The following SHISA6 variants were observed in gnomAD, a reference collection of about 807,000 sequenced individuals.
SHISA6 encodes shisa family member 6.
A neutral mutation model predicts 47.9 loss-of-function variants in SHISA6; 22 were observed. That is an observed-to-expected ratio of 0.46 (90% confidence interval 0.33 to 0.66). The LOEUF (loss-of-function observed/expected upper bound fraction) is 0.66. SHISA6 is among the 30% of genes least tolerant of loss of function. SHISA6 has a pLI of 0.02. For missense variants in SHISA6, 680 were observed against 764.6 expected, an observed-to-expected ratio of 0.89 and a Z score of 1.30; for synonymous variants, 388 against 337.8, an observed-to-expected ratio of 1.15 and a Z score of -1.63.
At chr17:11,406,855 T>A (rs978464035) in intron 3 of SHISA6, among the ~76,000 whole-genome samples, 1 of 152,196 alleles carries the variant, frequency 6.6e-6, no homozygotes, top group Non-Finnish European at 1.5e-5. Context: ...GAGAGTATAA[T>A]TGGAATATCC....
At chr17:11,316,368 G>T (rs1597454537) in intron 2 of SHISA6, among the ~76,000 whole-genome samples, 4 of 106,470 alleles carry the variant, frequency 3.8e-5, no homozygotes, top group Admixed American at 1.1e-4. Context: ...GAATCTCCTT[G>T]CATTTCCATT....
At chr17:11,329,829 A>G (rs1312552478) in intron 2 of SHISA6, among the ~76,000 whole-genome samples, 3 of 152,126 alleles carry the variant, frequency 2.0e-5, no homozygotes, top group Non-Finnish European at 2.9e-5. Flanking sequence ...AGAGGGAAGC[A>G]TTGACTCATT....
At chr17:11,242,691 C>T (rs1907415242) in intron 1 of SHISA6, among the ~76,000 whole-genome samples, 1 of 152,136 alleles carries the variant, frequency 6.6e-6, no homozygotes, top group South Asian at 2.1e-4. Flanking sequence ...TTCTTTGAAA[C>T]CCTGTAGGCA....
chr17:11,264,967 G>A (rs1023037784), intron 2 of SHISA6, among the ~76,000 whole-genome samples: 2 of 152,164 alleles, frequency 1.3e-5, no homozygotes, highest in Admixed American at 1.3e-4. Context: ...AAAAACCTCT[G>A]CTGTAAAGGT....
chr17:11,318,073 A>G (rs1383564178), intron 2 of SHISA6, among the ~76,000 whole-genome samples: 1 of 152,084 alleles, frequency 6.6e-6, no homozygotes, highest in East Asian at 1.9e-4. Flanking sequence ...TTTTTTATGT[A>G]TTTCTGAAAG....
chr17:11,370,025 T>C (rs1352213235), intron 2 of SHISA6, among the ~76,000 whole-genome samples: 1 of 152,144 alleles, frequency 6.6e-6, no homozygotes, highest in African/African-American at 2.4e-5. Flanking sequence ...CTTCCCTAGC[T>C]CCAGTTTCCT....
At chr17:11,481,383 T>C (rs1916215383) in intron 3 of SHISA6, among the ~76,000 whole-genome samples, 1 of 149,692 alleles carries the variant, frequency 6.7e-6, no homozygotes, top group East Asian at 1.9e-4. Context: ...TATATATATA[T>C]ATATTTAGAA....
At chr17:11,343,819 G>A (rs1597467196) in intron 2 of SHISA6, among the ~76,000 whole-genome samples, 1 of 152,222 alleles carries the variant, frequency 6.6e-6, no homozygotes, top group Non-Finnish European at 1.5e-5. Context: ...GTGAGATGGA[G>A]CATAAAAAGT....
At chr17:11,330,489 GGAGAGA>G (rs4055800) in intron 2 of SHISA6, among the ~76,000 whole-genome samples, 15 of 147,548 alleles carry the variant, frequency 1.0e-4, no homozygotes, top group African/African-American at 3.3e-4. Context: ...GTAATGCTAG[GGAGAGA>G]GAGAGAGAGA....
intron 1 of SHISA6, among the ~76,000 whole-genome samples, chr17:11,259,163 G>A (rs1216721987): frequency 6.6e-6 from 1 of 151,964 alleles, no homozygotes; most frequent in African/African-American, 2.4e-5. Flanking sequence ...AGGGAAGGAT[G>A]AATGGAGGGA....
chr17:11,501,970 C>G (rs1289556282), intron 3 of SHISA6, among the ~76,000 whole-genome samples: 4 of 152,146 alleles, frequency 2.6e-5, no homozygotes, highest in Admixed American at 1.3e-4. Context: ...TAACAAATTC[C>G]TTTGTTTTTC....
At chr17:11,307,380 T>C (rs1910158841) in intron 2 of SHISA6, among the ~76,000 whole-genome samples, 1 of 152,206 alleles carries the variant, frequency 6.6e-6, no homozygotes, top group Non-Finnish European at 1.5e-5. Flanking sequence ...TTCGCCTGCC[T>C]TCATTAAGTC....
intron 3 of SHISA6, among the ~76,000 whole-genome samples, chr17:11,422,632 C>T (rs1411888198): frequency 6.6e-6 from 1 of 152,032 alleles, no homozygotes; most frequent in Non-Finnish European, 1.5e-5. Flanking sequence ...CGTGGTGGTG[C>T]ACGCCTGTAG....
chr17:11,273,898 C>T (rs2142155082), intron 2 of SHISA6, among the ~76,000 whole-genome samples: 1 of 82,040 alleles, frequency 1.2e-5, no homozygotes, highest in East Asian at 4.1e-4. Context: ...CAGTGCCAGG[C>T]TTGTCCTGCG....
At chr17:11,474,249 G>C (rs575378939) in intron 3 of SHISA6, among the ~76,000 whole-genome samples, 2 of 151,374 alleles carry the variant, frequency 1.3e-5, no homozygotes, top group Non-Finnish European at 2.9e-5. Context: ...CTTAATAATT[G>C]CCATTCTGAC....
chr17:11,557,842 G>C lies in SHISA6; in HGVS notation c.1194G>C (p.Gln398His). 1.3e-6 allele frequency: 2 copies of C among 1,551,392 alleles called. No individual in the cohort carries two copies. The highest frequency in any genetic ancestry group is 1.7e-6 in the Non-Finnish European group (2 of 1,146,998). The change falls in exon 6 of 6, where the codon CAG becomes CAC. Residue 398 changes from glutamine (Q) to histidine (H), a missense_variant. Around this residue, in one of 2 missense-constraint regions of SHISA6, gnomAD observed 559 missense variants for 674.1 expected, o/e 0.83. Transcript: ENST00000441885. ...ARGTLPLNVI[Q>H]MSQQKPLPRE... ...GCACCCTCCCCCTCAATGTCATCCA[G>C]ATGTCCCAACAGAAGCCGTTGCCAA...
intron 2 of SHISA6, among the ~76,000 whole-genome samples, chr17:11,321,633 C>G (rs543809479): frequency 6.6e-6 from 1 of 152,138 alleles, no homozygotes; most frequent in Non-Finnish European, 1.5e-5. Context: ...GAGTTTCAAT[C>G]TACTATCTTG....
chr17:11,495,331 T>G (rs2071399333), intron 3 of SHISA6, among the ~76,000 whole-genome samples: 1 of 152,106 alleles, frequency 6.6e-6, no homozygotes, highest in South Asian at 2.1e-4. Context: ...TTTCCTGGGG[T>G]TCATAGACTA....
At chr17:11,410,070 A>AAGTT (rs955500949) in intron 3 of SHISA6, among the ~76,000 whole-genome samples, 10 of 152,224 alleles carry the variant, frequency 6.6e-5, no homozygotes, top group African/African-American at 2.4e-4. Context: ...CAGTAGCCAC[A>AAGTT]AGTTGTGAGT....
Sources: allele counts gnomAD v4.1 joint callset (sites outside exome capture counted in the v4.1 genomes callset), GRCh38; gene constraint gnomAD v4.1.1; regional missense constraint gnomAD v4.1.1; transcripts MANE v1.5; gene names NCBI Gene and HGNC (gene_info 2026-07-23, HGNC 2026-07-21).